Variants in CHD3 observed in about 807,000 individuals in gnomAD.
CHD3 encodes ATP-dependent chromatin remodeler CHD3.
A neutral mutation model predicts 248.9 loss-of-function variants in CHD3; 52 were observed. The observed-to-expected ratio is 0.21, with a 90% confidence interval of 0.17 to 0.26. The LOEUF (loss-of-function observed/expected upper bound fraction) is 0.26. CHD3 is among the 10% of genes least tolerant of loss of function. The pLI is 1.00. For synonymous variants in CHD3, 985 were observed against 985.2 expected, an observed-to-expected ratio of 1.00 and a Z score of 0.00; for missense variants, 1,482 against 2,605.8, an observed-to-expected ratio of 0.57 and a Z score of 9.39.
chr17:7,897,387 G>A lies in CHD3; in HGVS notation c.1919+93G>A, dbSNP rs1567850270. On this transcript the variant is annotated intron_variant, in intron 11 of 39. Transcript: ENST00000330494. This position sits in a 1 kb window ranked among gnomAD's most constrained non-coding sequence, Gnocchi z 4.8. ...ATGTTAGTATTTGCTGATTAACCAG[G>A]TAATTGATCTAACCTTGATAACCTC... 1 of 1,108,962 alleles carries A rather than the reference G, an allele frequency of 9.0e-7. No homozygotes were observed. The highest frequency in any genetic ancestry group is 1.5e-5 in the African/African-American group (1 of 65,398). The allele number at this position is 1,108,962 out of a possible 1,614,324, so 68.7% of individuals were successfully genotyped here.
rs968134923 is a variant in CHD3 at position 7,899,730 on chromosome 17, C to G, written c.2545-166C>G. On this transcript the variant is annotated intron_variant, in intron 15 of 39. Coordinates refer to ENST00000330494, the MANE Select transcript of CHD3 (RefSeq NM_001005273.3). The surrounding 1 kb of genome is among the most constrained non-coding windows in gnomAD (Gnocchi z 6.8). Reference sequence around the variant, plus strand: ...AGGGGCATACATGGATCTGTCGGTACTGGAAATGTGGGCAGAGGTTTAGGA... The same window carrying G: ...AGGGGCATACATGGATCTGTCGGTAGTGGAAATGTGGGCAGAGGTTTAGGA... Among the ~76,000 whole-genome samples, 2 of 152,154 alleles carry G rather than the reference C, an allele frequency of 1.3e-5. No homozygotes were observed. Among genetic ancestry groups the G allele is most frequent in the African/African-American group, 4.8e-5 (2 of 41,428 alleles).
At chr17:7,891,357 C>T (rs1187626972) in intron 4 of CHD3, among the ~76,000 whole-genome samples, 2 of 152,124 alleles carry the variant, frequency 1.3e-5, no homozygotes, top group Admixed American at 1.3e-4. Context: ...AGTGAGCCCT[C>T]CCCTGCCCCA....
rs769787126 is a variant in CHD3, at chr17:7,906,112, C to A, written c.4358+123C>A. ...ACTGATTATCACCCTCCCTGTCATACAATACTTCCTGGCTCGATTTCCTGG... is the reference window on the plus strand; with the variant it reads ...ACTGATTATCACCCTCCCTGTCATAAAATACTTCCTGGCTCGATTTCCTGG... On this transcript the variant is annotated intron_variant, in intron 28 of 39. Coordinates refer to ENST00000330494, the MANE Select transcript of CHD3 (RefSeq NM_001005273.3). This position sits in a 1 kb window ranked among gnomAD's most constrained non-coding sequence, Gnocchi z 5.0. 14 of 1,411,758 alleles carry A rather than the reference C, an allele frequency of 9.9e-6. No homozygotes were observed. The South Asian group carries it at 1.6e-4, about 16-fold the overall frequency. The allele number at this position is 1,411,758 out of a possible 1,614,324, so 87.5% of individuals were successfully genotyped here.
chr17:7,886,400 T>C (rs1235895915), upstream of CHD3, among the ~76,000 whole-genome samples: 2 of 152,198 alleles, frequency 1.3e-5, no homozygotes, highest in Non-Finnish European at 2.9e-5. The surrounding 1 kb of genome is among the most constrained non-coding windows in gnomAD (Gnocchi z 4.2). Context: ...CCCCCGGGCC[T>C]CTGGCTGCCA....
rs538237188 is a variant in CHD3, at chr17:7,911,125, C to T, written c.5881+152C>T. 5.3e-6 allele frequency: 6 copies of T among 1,128,880 alleles called. No homozygotes were observed. Among genetic ancestry groups the T allele is most frequent in the Admixed American group, 2.4e-5 (1 of 41,588 alleles). 69.9% of individuals were successfully genotyped at this position (1,128,880 alleles called of 1,614,324 possible). A position where few individuals can be genotyped will look rare whatever the true frequency, so the allele number is the denominator to read the frequency against. On this transcript the variant is annotated intron_variant, in intron 39 of 39. Coordinates refer to ENST00000330494, the MANE Select transcript of CHD3 (RefSeq NM_001005273.3). This position sits in a 1 kb window ranked among gnomAD's most constrained non-coding sequence, Gnocchi z 5.4. ...ATAGAGTTGTTCTAGGCTGTCCCCC[C>T]ACCCATCCCTTTCTTAACCCCTCTT...
In CHD3 at chr17:7,908,896, T is replaced by C. The variant is rs1971307409; in HGVS notation, c.5394+67T>C. 2 of 1,602,000 alleles carry C rather than the reference T, an allele frequency of 1.2e-6. No individual in the cohort carries two copies. The highest frequency in any genetic ancestry group is 1.7e-5 in the Admixed American group (1 of 59,488). The stretch of plus-strand genomic sequence containing the variant: ...GGGTCAGAAGTGAGACCAGATCTAG[T>C]TGGAACCTAGGGAAGGTTAACACCT... On this transcript the variant is annotated intron_variant, in intron 36 of 39. Coordinates refer to ENST00000330494, the MANE Select transcript of CHD3 (RefSeq NM_001005273.3). This position sits in a 1 kb window ranked among gnomAD's most constrained non-coding sequence, Gnocchi z 5.8.
rs1221578557 is a variant in CHD3, at chr17:7,910,515, C to G, written c.5678C>G (p.Ala1893Gly). ...ACGCTGTCCCGAATACCCCCCATCGCAGCCCGCCTTCAGATGTCCGAGCGC... is the reference window on the plus strand; with the variant it reads ...ACGCTGTCCCGAATACCCCCCATCGGAGCCCGCCTTCAGATGTCCGAGCGC... Reference protein sequence around the residue: ...PATLSRIPPIAARLQMSERSI... With the variant: ...PATLSRIPPIGARLQMSERSI... The change falls in exon 38 of 40, where the codon GCA (alanine) becomes GGA (glycine). Residue 1893 changes from alanine (A) to glycine (G), a missense_variant. Transcript: ENST00000330494. This position sits in a 1 kb window ranked among gnomAD's most constrained non-coding sequence, Gnocchi z 4.7. The G allele has an allele frequency of 6.2e-7, 1 of 1,613,828 alleles. No individual in the cohort carries two copies. Among genetic ancestry groups the G allele is most frequent in the African/African-American group, 1.3e-5 (1 of 74,940 alleles).
At chr17:7,885,025 C>CCCGCCGCCG (rs759738955), upstream of CHD3, 195 of 1,161,208 alleles carry the variant, frequency 1.7e-4, no homozygotes, top group Admixed American at 3.6e-4. Context: ...GCCACCTCTT[C>CCCGCCGCCG]CCGCCGCCGC....
chr17:7,908,994 G>A lies in CHD3; in HGVS notation c.5395-149G>A. ...GCTTGGGAGTGTGATCTGGGTCAGGGTTGCTGCTAGGTTCGCAGTCGGTTT... is the reference window on the plus strand; with the variant it reads ...GCTTGGGAGTGTGATCTGGGTCAGGATTGCTGCTAGGTTCGCAGTCGGTTT... On this transcript the variant is annotated intron_variant, in intron 36 of 39. Transcript: ENST00000330494. The surrounding 1 kb of genome is among the most constrained non-coding windows in gnomAD (Gnocchi z 5.8). 1 of 1,384,918 alleles carries A rather than the reference G, an allele frequency of 7.2e-7. No individual in the cohort carries two copies. Among genetic ancestry groups the A allele is most frequent in the Non-Finnish European group, 9.9e-7 (1 of 1,009,824 alleles). 85.8% of individuals were successfully genotyped at this position (1,384,918 alleles called of 1,614,324 possible).
rs753736107 is a variant in CHD3 at position 7,910,827 on chromosome 17, C to G, written c.5755-20C>G. On this transcript the variant is annotated intron_variant, in intron 38 of 39. Transcript: ENST00000330494. This position sits in a 1 kb window ranked among gnomAD's most constrained non-coding sequence, Gnocchi z 4.7. ...ACAGACTATGAACTAACTCCAACTT[C>G]TGCTTCCTCTCTGTTCCAGGCCTAC... is the stretch of plus-strand genomic sequence containing the variant. 3 of 1,584,574 alleles carry G rather than the reference C, an allele frequency of 1.9e-6. No individual in the cohort carries two copies. Among genetic ancestry groups the G allele is most frequent in the Non-Finnish European group, 2.6e-6 (3 of 1,169,552 alleles).
chr17:7,901,414 C>T, intron 20 of CHD3, 39 bp downstream of exon 20: 2 of 1,516,632 alleles, frequency 1.3e-6, no homozygotes, highest in African/African-American at 1.4e-5. Flanking sequence ...TCTGCTTCCT[C>T]TTCCCTCTCC....
Position 7,888,802 on chromosome 17 carries a change from G to A in CHD3, c.-199G>A. ...CTGTCTGTGCCTATATCTTTGTTTG[G>A]GTCTCCCATACTGCGTATAGATGAA... is the stretch of plus-strand genomic sequence containing the variant. On this transcript the variant is annotated 5_prime_UTR_variant, in exon 1 of 40. Transcript: ENST00000330494. The A allele has an allele frequency of 7.0e-7, 1 of 1,421,826 alleles. No individual in the cohort carries two copies. Among genetic ancestry groups the A allele is most frequent in the African/African-American group, 1.4e-5 (1 of 69,372 alleles). 88.1% of individuals were successfully genotyped at this position (1,421,826 alleles called of 1,614,324 possible).
chr17:7,892,512 T>C (rs1351531841), intron 4 of CHD3, among the ~76,000 whole-genome samples: 1 of 149,010 alleles, frequency 6.7e-6, no homozygotes, highest in Non-Finnish European at 1.5e-5. Context: ...TTTTTTTTTT[T>C]TTTGAGATGG....
At chr17:7,892,644 G>A (rs1192977514) in intron 4 of CHD3, among the ~76,000 whole-genome samples, 4 of 151,756 alleles carry the variant, frequency 2.6e-5, no homozygotes, top group Non-Finnish European at 4.4e-5. Context: ...CTACAGGTGC[G>A]CACCACTACA....
In CHD3 at chr17:7,909,008, C is replaced by T. The variant is rs531369753; in HGVS notation, c.5395-135C>T. 2.9e-5 allele frequency: 40 copies of T among 1,403,096 alleles called. No individual in the cohort carries two copies. Among genetic ancestry groups the T allele is most frequent in the Middle Eastern group, 2.5e-4 (1 of 3,928 alleles). 86.9% of individuals were successfully genotyped at this position (1,403,096 alleles called of 1,614,324 possible). A position where few individuals can be genotyped will look rare whatever the true frequency, so the allele number is the denominator to read the frequency against. The stretch of plus-strand genomic sequence containing the variant: ...TCTGGGTCAGGGTTGCTGCTAGGTT[C>T]GCAGTCGGTTTGGAGCTGGGAGTGC... On this transcript the variant is annotated intron_variant, in intron 36 of 39. Coordinates refer to ENST00000330494, the MANE Select transcript of CHD3 (RefSeq NM_001005273.3). This position sits in a 1 kb window ranked among gnomAD's most constrained non-coding sequence, Gnocchi z 8.1.
upstream of CHD3, among the ~76,000 whole-genome samples, chr17:7,886,360 TGC>T (rs1313853646): frequency 2.0e-5 from 3 of 152,202 alleles, no homozygotes; most frequent in African/African-American, 7.2e-5. This position sits in a 1 kb window ranked among gnomAD's most constrained non-coding sequence, Gnocchi z 4.2. Flanking sequence ...CCACACCCCC[TGC>T]TTGGGGAACA....
At position 7,903,736 on chromosome 17, in the gene CHD3, C is replaced by T. The variant is rs913213258; in HGVS notation, c.3728-89C>T. The T allele has an allele frequency of 7.1e-6, 10 of 1,412,938 alleles. No individual in the cohort carries two copies. Among genetic ancestry groups the T allele is most frequent in the Non-Finnish European group, 8.7e-6 (9 of 1,031,460 alleles). 87.5% of individuals were successfully genotyped at this position (1,412,938 alleles called of 1,614,324 possible). On this transcript the variant is annotated intron_variant, in intron 23 of 39. Transcript: ENST00000330494. The surrounding 1 kb of genome is among the most constrained non-coding windows in gnomAD (Gnocchi z 6.8). Reference sequence around the variant, plus strand: ...CGGGGAAAAAGCCTTCTCTAGGGCTCCTGTGAAAAGGACGCAGAGTAGAAG... The same window carrying T: ...CGGGGAAAAAGCCTTCTCTAGGGCTTCTGTGAAAAGGACGCAGAGTAGAAG...
chr17:7,898,398 A>G, intron 12 of CHD3, 98 bp from the exon 13 acceptor site: 1 of 923,836 alleles, frequency 1.1e-6, no homozygotes, highest in Non-Finnish European at 1.7e-6. Context: ...GGGAAAATCT[A>G]GGTCATGGAC....
chr17:7,887,985 C>A (rs904217677), upstream of CHD3, among the ~76,000 whole-genome samples: 1 of 152,258 alleles, frequency 6.6e-6, no homozygotes, highest in Admixed American at 6.5e-5. Context: ...GTGCACCACC[C>A]CTGGCTGGTG....
Sources: allele counts gnomAD v4.1 joint callset (sites outside exome capture counted in the v4.1 genomes callset), GRCh38; gene constraint gnomAD v4.1.1; non-coding constraint Gnocchi (gnomAD v3.1); transcripts MANE v1.5; gene names NCBI Gene and HGNC (gene_info 2026-07-23, HGNC 2026-07-21).